The following PLD5 variants were observed in gnomAD, a reference collection of about 807,000 sequenced individuals.
The protein encoded by PLD5 is inactive phospholipase D5.
In PLD5, 36 loss-of-function variants were observed where a neutral mutation model predicts 61.1. The ratio of observed to expected loss-of-function variants is 0.59; its 90% confidence interval spans 0.45 to 0.78. The LOEUF (loss-of-function observed/expected upper bound fraction) is 0.78, where lower values mean the gene tolerates loss of function less well. Ranked by LOEUF, PLD5 falls within the 30% of genes least tolerant of loss-of-function variation. The pLI is 0.00. For synonymous variants in PLD5, 243 were observed against 242.8 expected, an observed-to-expected ratio of 1.00 and a Z score of -0.01; for missense variants, 515 against 644.4, an observed-to-expected ratio of 0.80 and a Z score of 2.17.
chr1:242,475,928 A>T (rs1215446449), intron 1 of PLD5, among the ~76,000 whole-genome samples: 1 of 152,160 alleles, frequency 6.6e-6, no homozygotes, highest in East Asian at 1.9e-4. Flanking sequence ...TCAGCCTCAC[A>T]GGAAATCAAC....
chr1:242,107,449 C>A (rs961399248), intron 8 of PLD5, among the ~76,000 whole-genome samples: 2 of 151,972 alleles, frequency 1.3e-5, no homozygotes, highest in Admixed American at 6.6e-5. Context: ...AAGGATGCAA[C>A]AGAAAGTGAG....
intron 5 of PLD5, among the ~76,000 whole-genome samples, chr1:242,159,331 C>T (rs1665645287): frequency 6.6e-6 from 1 of 152,050 alleles, no homozygotes; most frequent in African/African-American, 2.4e-5. Flanking sequence ...CTAGTGTTGA[C>T]CTTGTGTTTA....
chr1:242,352,015 G>A (rs956437483), intron 1 of PLD5, among the ~76,000 whole-genome samples: 1 of 152,140 alleles, frequency 6.6e-6, no homozygotes, highest in Non-Finnish European at 1.5e-5. Context: ...AGAATCATAA[G>A]TTATAAAACT....
In PLD5 at chr1:242,133,369, A is replaced by T. The variant is rs185473517; in HGVS notation, c.736-8704T>A. ...CTCTAGAGGGTATTTACACCCCAGA[A>T]AATTCTGTAACCAGCACTCTTGAGC... On this transcript the variant is annotated intron_variant, in intron 5 of 9. Transcript: ENST00000536534. Among the ~76,000 whole-genome samples the T allele has an allele frequency of 5.3e-5, 8 of 152,308 alleles. No homozygotes were observed. In the East Asian group the frequency reaches 1.5e-3, roughly 29 times the overall value.
At chr1:242,263,003 G>A (rs149873079) in intron 4 of PLD5, among the ~76,000 whole-genome samples, 1,774 of 152,216 alleles carry the variant, frequency 0.012, 47 homozygotes, top group African/African-American at 0.04. Flanking sequence ...CACAGTTTGA[G>A]ACCTTGGAGA....
chr1:242,119,439 A>T (rs1342748599), intron 6 of PLD5, among the ~76,000 whole-genome samples: 1 of 152,226 alleles, frequency 6.6e-6, no homozygotes, highest in East Asian at 1.9e-4. Flanking sequence ...TCTATAAAAA[A>T]TCATATTTCT....
At chr1:242,101,587 T>C (rs1186441985) in intron 8 of PLD5, among the ~76,000 whole-genome samples, 1 of 152,056 alleles carries the variant, frequency 6.6e-6, no homozygotes, top group Non-Finnish European at 1.5e-5. Context: ...TATGGGAAAA[T>C]GTTGAGTATT....
chr1:242,198,988 C>T (rs1385033480), intron 5 of PLD5, among the ~76,000 whole-genome samples: 2 of 152,198 alleles, frequency 1.3e-5, no homozygotes, highest in Non-Finnish European at 2.9e-5. Flanking sequence ...CCCGCCTCAG[C>T]TTCCCAAAGT....
intron 4 of PLD5, among the ~76,000 whole-genome samples, chr1:242,242,753 C>T (rs605543): frequency 0.95 from 144,478 of 152,322 alleles, 68,992 homozygotes; most frequent in Non-Finnish European, 1. Flanking sequence ...GGAACTATCA[C>T]TAACTATAAT....
At chr1:242,230,070 G>A (rs557845472) in intron 4 of PLD5, among the ~76,000 whole-genome samples, 2 of 152,208 alleles carry the variant, frequency 1.3e-5, no homozygotes, top group East Asian at 3.9e-4. Context: ...GGCCAGAGAT[G>A]CTGCTAAACA....
At chr1:242,277,589 T>A (rs167586) in intron 3 of PLD5, among the ~76,000 whole-genome samples, 1 of 148,844 alleles carries the variant, frequency 6.7e-6, no homozygotes, top group African/African-American at 2.5e-5. Context: ...CTGGTAAGTC[T>A]AATACATTGT....
chr1:242,232,399 T>C (rs1671365647), intron 4 of PLD5, among the ~76,000 whole-genome samples: 2 of 152,108 alleles, frequency 1.3e-5, no homozygotes, highest in South Asian at 4.1e-4. Flanking sequence ...TTCCAGAAAA[T>C]GGTCAAATTT....
At chr1:242,404,837 C>G (rs1319341033) in intron 1 of PLD5, among the ~76,000 whole-genome samples, 1 of 148,418 alleles carries the variant, frequency 6.7e-6, no homozygotes, top group African/African-American at 2.5e-5. Flanking sequence ...ATTGCAATTG[C>G]TCTATGTGGA....
chr1:242,339,205 C>T lies in PLD5; in HGVS notation c.326+8901G>A, dbSNP rs71650698. ...CTTGTATTTTCATGGAAACTATCACCCACTTAAAAAAAGGTATCCGCTCAG... is the reference window on the plus strand; with the variant it reads ...CTTGTATTTTCATGGAAACTATCACTCACTTAAAAAAAGGTATCCGCTCAG... On this transcript the variant is annotated intron_variant, in intron 2 of 9. Coordinates refer to ENST00000536534, the MANE Select transcript of PLD5 (RefSeq NM_001372062.1). Among the ~76,000 whole-genome samples the T allele has an allele frequency of 4.3e-3, 651 of 151,920 alleles. 4 individuals carry two copies. The highest frequency in any genetic ancestry group is 5.7e-3 in the Non-Finnish European group (390 of 67,968).
chr1:242,511,614 A>G (rs1394986022), intron 1 of PLD5, among the ~76,000 whole-genome samples: 11 of 152,150 alleles, frequency 7.2e-5, no homozygotes, highest in Admixed American at 7.2e-4. Context: ...ACATGCACAA[A>G]ATGAGGGACA....
intron 1 of PLD5, among the ~76,000 whole-genome samples, chr1:242,401,359 G>A (rs923209293): frequency 5.9e-5 from 9 of 152,014 alleles, no homozygotes; most frequent in East Asian, 1.9e-4. Flanking sequence ...CACCTGCAGC[G>A]TATTGCCCAC....
intron 2 of PLD5, among the ~76,000 whole-genome samples, chr1:242,313,521 AC>A (rs1341069657): frequency 1.3e-5 from 2 of 152,236 alleles, no homozygotes; most frequent in Non-Finnish European, 2.9e-5. Flanking sequence ...CTTAAGTCTT[AC>A]CTTTAATATA....
In PLD5 at chr1:242,268,360, TA is replaced by T. The variant is rs548778119; in HGVS notation, c.496-2913del. On this transcript the variant is annotated intron_variant, in intron 3 of 9. Coordinates refer to ENST00000536534, the MANE Select transcript of PLD5 (RefSeq NM_001372062.1). ...GCCAGTATTTTTTGGCAAATTCATT[TA>T]TTTTTTTAGTTAACAGAATATATTT... Among the ~76,000 whole-genome samples the T allele has an allele frequency of 1.2e-4, 18 of 152,344 alleles. No individual in the cohort carries two copies. In the South Asian group the frequency reaches 3.5e-3, roughly 30 times the overall value.
At chr1:242,509,281 A>G (rs7523589) in intron 1 of PLD5, among the ~76,000 whole-genome samples, 45,923 of 151,636 alleles carry the variant, frequency 0.3, 8,047 homozygotes, top group African/African-American at 0.49. Flanking sequence ...CGGGAGGCTG[A>G]GGCAGGAGAA....
Sources: allele counts gnomAD v4.1 joint callset (sites outside exome capture counted in the v4.1 genomes callset), GRCh38; gene constraint gnomAD v4.1.1; transcripts MANE v1.5; gene names NCBI Gene and HGNC (gene_info 2026-07-23, HGNC 2026-07-21).